The following STK32B variants were observed in gnomAD, a reference collection of about 807,000 sequenced individuals.
The protein encoded by STK32B is serine/threonine-protein kinase 32B.
Under a neutral mutation model 52.6 loss-of-function variants are expected in STK32B, and 43 were observed. The ratio of observed to expected loss-of-function variants is 0.82; its 90% CI spans 0.64 to 1.05. The LOEUF (loss-of-function observed/expected upper bound fraction) is 1.05. Ranked by LOEUF, STK32B falls within the 50% of genes least tolerant of loss-of-function variation. The probability of loss-of-function intolerance (pLI) is 0.00; values close to 1 mark genes in which losing one functional copy is unlikely to be tolerated. For synonymous variants in STK32B, 238 were observed against 204.3 expected (o/e 1.17, Z -1.41); for missense variants, 621 against 534.6 (o/e 1.16, Z -1.59).
intron 6 of STK32B, among the ~76,000 whole-genome samples, chr4:5,425,241 T>C (rs1273284117): frequency 6.6e-6 from 1 of 152,166 alleles, no homozygotes; most frequent in Non-Finnish European, 1.5e-5. Context: ...CCAAGCAAAA[T>C]GCAGGTGAAG....
intron 1 of STK32B, among the ~76,000 whole-genome samples, chr4:5,134,529 T>C (rs1221699707): frequency 6.6e-6 from 1 of 152,154 alleles, no homozygotes; most frequent in East Asian, 1.9e-4. Flanking sequence ...TAATTAAAAA[T>C]AAATAAATTA....
At chr4:5,481,145 G>T (rs991670133) in intron 11 of STK32B, among the ~76,000 whole-genome samples, 1 of 152,172 alleles carries the variant, frequency 6.6e-6, no homozygotes. Flanking sequence ...CTAGATCCCT[G>T]AGGAATCGCG....
At chr4:5,114,569 C>G (rs889790040) in intron 1 of STK32B, among the ~76,000 whole-genome samples, 3 of 152,120 alleles carry the variant, frequency 2.0e-5, no homozygotes, top group Non-Finnish European at 2.9e-5. Flanking sequence ...ATAAAAGGTC[C>G]TTCTGGCACT....
intron 11 of STK32B, among the ~76,000 whole-genome samples, chr4:5,481,082 C>A (rs1310367717): frequency 2.0e-5 from 3 of 152,136 alleles, no homozygotes; most frequent in Non-Finnish European, 2.9e-5. Context: ...ATTTATAATC[C>A]TTTTGGTATA....
intron 3 of STK32B, among the ~76,000 whole-genome samples, chr4:5,222,151 C>G (rs998392042): frequency 1.2e-4 from 19 of 152,294 alleles, no homozygotes; most frequent in African/African-American, 4.6e-4. Context: ...GCCTCCAGAA[C>G]TGTGACAAAA....
chr4:5,198,117 T>C (rs946914192), intron 3 of STK32B, among the ~76,000 whole-genome samples: 3 of 152,168 alleles, frequency 2.0e-5, no homozygotes, highest in Non-Finnish European at 4.4e-5. Flanking sequence ...CTTCACAAAA[T>C]CTATATAAAG....
intron 1 of STK32B, among the ~76,000 whole-genome samples, chr4:5,089,182 G>C (rs758166328): frequency 2.6e-5 from 4 of 151,816 alleles, no homozygotes; most frequent in Non-Finnish European, 5.9e-5. Context: ...CAATAAATTA[G>C]ATAACCAAGA....
At chr4:5,477,160 C>G (rs1718302117) in intron 11 of STK32B, among the ~76,000 whole-genome samples, 3 of 152,150 alleles carry the variant, frequency 2.0e-5, no homozygotes, top group African/African-American at 7.2e-5. Flanking sequence ...CCGTGTAACC[C>G]TCGATTTCTC....
chr4:5,140,268 A>C (rs1222797895), intron 2 of STK32B: 1 of 1,391,500 alleles, frequency 7.2e-7, no homozygotes, highest in African/African-American at 1.4e-5. Flanking sequence ...AACATCACAA[A>C]GGCAGCTCTT....
At position 5,492,759 on chromosome 4, in the gene STK32B, A is replaced by G. The variant is rs577921344; in HGVS notation, c.1107-6186A>G. On this transcript the variant is annotated intron_variant, in intron 11 of 11. Transcript: ENST00000282908. ...TTTTGAGATACGTCCCATCAATACC[A>G]AATTTCTTGAGAGTTTTTAGCATGA... Among the ~76,000 whole-genome samples, 765 of 151,354 alleles carry G rather than the reference A, an allele frequency of 5.1e-3. 5 individuals are homozygous for G. The highest frequency in any genetic ancestry group is 8.8e-3 in the Non-Finnish European group (600 of 68,014).
In STK32B at chr4:5,361,506, C is replaced by T. The variant is rs569121336; in HGVS notation, c.434+30113C>T. Among the ~76,000 whole-genome samples, 37 of 152,260 alleles carry T rather than the reference C, an allele frequency of 2.4e-4. No homozygotes were observed. The South Asian group carries it at 2.7e-3, about 11-fold the overall frequency. On this transcript the variant is annotated intron_variant, in intron 4 of 11. Transcript: ENST00000282908. ...CGCACCTCAGCATCCCAAGTATCTG[C>T]GACCATAGGTGTGTGCCATCATGCC... is the stretch of plus-strand genomic sequence containing the variant.
intron 4 of STK32B, among the ~76,000 whole-genome samples, chr4:5,370,984 A>ATATGTGTGTG (rs1553879907): frequency 6.2e-5 from 9 of 145,312 alleles, no homozygotes; most frequent in South Asian, 2.2e-4. Flanking sequence ...ATATATATAT[A>ATATGTGTGTG]TGTGTGTGTG....
chr4:5,461,506 C>T (rs760612217), intron 9 of STK32B, among the ~76,000 whole-genome samples: 35 of 152,210 alleles, frequency 2.3e-4, no homozygotes, highest in Non-Finnish European at 4.3e-4. Flanking sequence ...GCAGCGCACA[C>T]GCACGTTTCT....
intron 1 of STK32B, among the ~76,000 whole-genome samples, chr4:5,093,276 C>G (rs4689983): frequency 0.091 from 13,850 of 152,166 alleles, 725 homozygotes; most frequent in East Asian, 0.17. Context: ...CACACAGACA[C>G]AGACTGTACA....
intron 4 of STK32B, among the ~76,000 whole-genome samples, chr4:5,373,392 C>A (rs1445496535): frequency 6.6e-6 from 1 of 152,138 alleles, no homozygotes; most frequent in Non-Finnish European, 1.5e-5. Context: ...AAGAGAAACC[C>A]CCATGTTTCA....
chr4:5,213,186 C>T (rs1173003605), intron 3 of STK32B, among the ~76,000 whole-genome samples: 1 of 152,158 alleles, frequency 6.6e-6, no homozygotes, highest in African/African-American at 2.4e-5. Context: ...CATCCATCAC[C>T]TCATTGAGTC....
rs1270350194 is a variant in STK32B at position 5,188,167 on chromosome 4, A to C, written c.260+19717A>C. Among the ~76,000 whole-genome samples, 4 of 152,112 alleles carry C rather than the reference A, an allele frequency of 2.6e-5. 1 individual carries two copies. Among genetic ancestry groups the C allele is most frequent in the Admixed American group, 2.6e-4 (4 of 15,280 alleles). On this transcript the variant is annotated intron_variant, in intron 3 of 11. Coordinates refer to ENST00000282908, the MANE Select transcript of STK32B (RefSeq NM_018401.3). ...ACCAAAGTGTGAATAATATCCTATAAATTTGCTGGAGAGTTCATCACGTGC... is the reference window on the plus strand; with the variant it reads ...ACCAAAGTGTGAATAATATCCTATACATTTGCTGGAGAGTTCATCACGTGC...
chr4:5,182,834 T>TA (rs149005422), intron 3 of STK32B, among the ~76,000 whole-genome samples: 28,429 of 152,106 alleles, frequency 0.19, 3,355 homozygotes, highest in East Asian at 0.3. Flanking sequence ...GGATAGATGT[T>TA]ATGTTAGCAG....
upstream of STK32B, chr4:5,051,380 C>CA (rs1169078958): frequency 4.3e-5 from 7 of 163,146 alleles, no homozygotes; most frequent in African/African-American, 1.7e-4. Flanking sequence ...GAGGGCCGAG[C>CA]AGGGATTCAG....
Sources: allele counts gnomAD v4.1 joint callset (sites outside exome capture counted in the v4.1 genomes callset), GRCh38; gene constraint gnomAD v4.1.1; transcripts MANE v1.5; gene names NCBI Gene and HGNC (gene_info 2026-07-23, HGNC 2026-07-21).